The following TBC1D19 variants were observed in gnomAD, a reference collection of about 807,000 sequenced individuals.
TBC1D19 encodes TBC1 domain family, member 19.
In TBC1D19, 60 loss-of-function variants were observed where a neutral mutation model predicts 89.0. That is an observed-to-expected ratio of 0.67 (90% CI 0.55 to 0.84). The LOEUF is 0.84. TBC1D19 is among the 40% of genes least tolerant of loss of function. The pLI is 0.00. For missense variants in TBC1D19, 500 were observed against 610.8 expected (o/e 0.82, Z 1.91); for synonymous variants, 189 against 199.7 (o/e 0.95, Z 0.45).
chr4:26,735,429 G>A, intron 15 of TBC1D19, 26 bp from the exon 16 acceptor site: 1 of 1,451,350 alleles, frequency 6.9e-7, no homozygotes, highest in Non-Finnish European at 9.2e-7. Flanking sequence ...ACTACTTATT[G>A]AAAAGAAATA....
At chr4:26,802,000 T>C in the TBC1D19 span, among the ~76,000 whole-genome samples, 1 of 152,148 alleles carries the variant, frequency 6.6e-6, no homozygotes, top group Non-Finnish European at 1.5e-5. Flanking sequence ...AAGACTGTAT[T>C]AATGCAGTCT....
chr4:26,830,836 G>A, the TBC1D19 span, among the ~76,000 whole-genome samples: 1 of 152,170 alleles, frequency 6.6e-6, no homozygotes, highest in African/African-American at 2.4e-5. Flanking sequence ...TTCAGTAAAG[G>A]AGTAATTTGC....
chr4:26,727,714 G>A (rs536630939), intron 15 of TBC1D19, among the ~76,000 whole-genome samples: 8 of 151,988 alleles, frequency 5.3e-5, no homozygotes, highest in Non-Finnish European at 1.0e-4. Context: ...TGACTTCTTT[G>A]GTCATTTGTT....
intron 18 of TBC1D19, among the ~76,000 whole-genome samples, chr4:26,746,113 T>G (rs1168350718): frequency 6.6e-6 from 1 of 152,176 alleles, no homozygotes; most frequent in Non-Finnish European, 1.5e-5. Flanking sequence ...TGCACCATAC[T>G]CATTCTTCTT....
At chr4:26,701,272 C>G (rs570373846) in intron 13 of TBC1D19, among the ~76,000 whole-genome samples, 131 of 152,114 alleles carry the variant, frequency 8.6e-4, no homozygotes, top group African/African-American at 3.2e-3. Context: ...AAGAAATAAT[C>G]ATTTACTCAG....
chr4:26,629,022 C>T (rs932485165), intron 4 of TBC1D19, among the ~76,000 whole-genome samples: 1 of 152,000 alleles, frequency 6.6e-6, no homozygotes, highest in Non-Finnish European at 1.5e-5. Context: ...TCTTTAGTTC[C>T]AGTCTCATCT....
chr4:26,786,649 A>C, the TBC1D19 span, among the ~76,000 whole-genome samples: 2 of 149,924 alleles, frequency 1.3e-5, no homozygotes, highest in Admixed American at 6.7e-5. Context: ...GTCTTGCTGC[A>C]TGTAGGTTTT....
chr4:26,670,231 T>A (rs1050485769), intron 9 of TBC1D19, among the ~76,000 whole-genome samples: 4 of 150,332 alleles, frequency 2.7e-5, no homozygotes, highest in Admixed American at 2.0e-4. Flanking sequence ...TTATATATAA[T>A]CATTTTATAT....
the TBC1D19 span, among the ~76,000 whole-genome samples, chr4:26,817,655 C>G: frequency 6.6e-6 from 1 of 152,022 alleles, no homozygotes; most frequent in Admixed American, 6.5e-5. Flanking sequence ...TGGTCTCATA[C>G]TTTGTTTAGG....
intron 11 of TBC1D19, 40 bp from the exon 12 acceptor site, chr4:26,683,635 T>A (rs760408142): frequency 6.6e-7 from 1 of 1,512,176 alleles, no homozygotes; most frequent in Non-Finnish European, 9.1e-7. Flanking sequence ...TTTATAAATG[T>A]GATTGACCTT....
intron 1 of TBC1D19, among the ~76,000 whole-genome samples, chr4:26,592,462 A>G (rs1302247037): frequency 6.6e-6 from 1 of 152,192 alleles, no homozygotes; most frequent in Non-Finnish European, 1.5e-5. Context: ...ACTCCTATTC[A>G]ACATAGTGTT....
chr4:26,763,676 T>A, the TBC1D19 span, among the ~76,000 whole-genome samples: 2 of 152,216 alleles, frequency 1.3e-5, no homozygotes, highest in African/African-American at 4.8e-5. Context: ...CGGGCACACG[T>A]CCTCAACCTT....
intron 15 of TBC1D19, among the ~76,000 whole-genome samples, chr4:26,733,917 G>A (rs960306016): frequency 6.6e-6 from 1 of 152,186 alleles, no homozygotes; most frequent in African/African-American, 2.4e-5. Context: ...GCAGTGAACT[G>A]TAACTGGTTA....
At chr4:26,803,324 G>A in the TBC1D19 span, among the ~76,000 whole-genome samples, 3 of 152,282 alleles carry the variant, frequency 2.0e-5, no homozygotes, top group African/African-American at 4.8e-5. Context: ...TGCAGGCTCC[G>A]GGAGGATTAT....
the TBC1D19 span, among the ~76,000 whole-genome samples, chr4:26,781,912 C>T: frequency 7.1e-6 from 1 of 141,624 alleles, no homozygotes; most frequent in East Asian, 2.1e-4. Flanking sequence ...TTACTCACTT[C>T]CATGTTACAT....
intron 1 of TBC1D19, among the ~76,000 whole-genome samples, chr4:26,607,831 A>G (rs191313526): frequency 6.6e-6 from 1 of 152,284 alleles, no homozygotes; most frequent in Non-Finnish European, 1.5e-5. Context: ...TGCATGCTTG[A>G]TGATAAAGAT....
the TBC1D19 span, among the ~76,000 whole-genome samples, chr4:26,768,584 A>G: frequency 6.6e-6 from 1 of 152,186 alleles, no homozygotes; most frequent in African/African-American, 2.4e-5. Context: ...ACTTTGTCCT[A>G]TTTGTTAAAG....
chr4:26,641,231 C>T (rs954679433), intron 7 of TBC1D19, among the ~76,000 whole-genome samples: 9 of 152,206 alleles, frequency 5.9e-5, no homozygotes, highest in African/African-American at 1.9e-4. Context: ...AATATTTGCT[C>T]TTCTGCAATA....
chr4:26,713,526 A>T (rs1353164262), intron 13 of TBC1D19, among the ~76,000 whole-genome samples: 1 of 152,084 alleles, frequency 6.6e-6, no homozygotes, highest in African/African-American at 2.4e-5. Flanking sequence ...GAAAAATAAA[A>T]TAATAAATAA....
Sources: allele counts gnomAD v4.1 joint callset (sites outside exome capture counted in the v4.1 genomes callset), GRCh38; gene constraint gnomAD v4.1.1; transcripts MANE v1.5; gene names NCBI Gene and HGNC (gene_info 2026-07-23, HGNC 2026-07-21).